STEAP3: variants seen among roughly 807,000 people sequenced by gnomAD.
STEAP3 encodes the protein STEAP3 metalloreductase.
A neutral mutation model predicts 34.9 loss-of-function variants in STEAP3; 35 were observed. The observed-to-expected ratio is 1.00, with a 90% CI of 0.76 to 1.33. The LOEUF is 1.33. Among genes scored for constraint, STEAP3 ranks in the 40% most tolerant of loss-of-function variants. The pLI is 0.00. For missense variants in STEAP3, 652 were observed against 667.6 expected, an observed-to-expected ratio of 0.98 and a Z score of 0.26; for synonymous variants, 281 against 301.6, an observed-to-expected ratio of 0.93 and a Z score of 0.71.
At chr2:119,243,510 A>G (rs577064339) in intron 2 of STEAP3, among the ~76,000 whole-genome samples, 155 of 152,226 alleles carry the variant, frequency 1.0e-3, no homozygotes, top group Non-Finnish European at 1.6e-3. Flanking sequence ...CTCCTCTGTA[A>G]AGTGGGAATG....
In STEAP3 at chr2:119,247,877, T is replaced by G; in HGVS notation, c.721T>G (p.Phe241Val). The G allele has an allele frequency of 6.2e-7, 1 of 1,613,824 alleles. No individual in the cohort carries two copies. The highest frequency in any genetic ancestry group is 1.1e-5 in the South Asian group (1 of 91,088). The stretch of plus-strand genomic sequence containing the variant: ...CTTCGTCTGCTTCTATGCCTACAAC[T>G]TCGTCCGGGACGTTCTGCAGCCCTA... Reference protein sequence around the residue: ...GLFVCFYAYNFVRDVLQPYVQ... With the variant: ...GLFVCFYAYNVVRDVLQPYVQ... Residue 241 changes from phenylalanine to valine, a missense_variant, in exon 4 of 6, where the codon TTC becomes GTC. Coordinates refer to ENST00000393110, the MANE Select transcript of STEAP3 (RefSeq NM_182915.3).
intron 1 of STEAP3, 114 bp downstream of exon 1, chr2:119,224,002 G>A (rs1040210612): frequency 6.6e-6 from 1 of 152,252 alleles, no homozygotes; most frequent in Non-Finnish European, 1.5e-5. Flanking sequence ...GCCGCCACAC[G>A]TCTGGAGGCG....
chr2:119,252,679 T>G (rs1331306150), intron 4 of STEAP3, among the ~76,000 whole-genome samples: 1 of 152,178 alleles, frequency 6.6e-6, no homozygotes, highest in African/African-American at 2.4e-5. Context: ...TGTGTGCCAC[T>G]GGTCACCAGG....
intron 2 of STEAP3, chr2:119,244,377 C>T (rs1224052336): frequency 6.6e-6 from 1 of 151,818 alleles, no homozygotes; most frequent in Non-Finnish European, 1.5e-5. Context: ...GCTGGGACGA[C>T]AGGCGTGTGC....
Position 119,226,310 on chromosome 2 carries a change from C to T in STEAP3, c.-394+2422C>T, listed in dbSNP as rs138166924. Among the ~76,000 whole-genome samples, 101 of 152,322 alleles carry T rather than the reference C, an allele frequency of 6.6e-4. 1 individual carries two copies. The highest frequency in any genetic ancestry group is 2.3e-3 in the African/African-American group (95 of 41,582). On this transcript the variant is annotated intron_variant, in intron 1 of 5. Transcript: ENST00000393110. ...GGATCCACTCTTTCCTGTCCACCCA[C>T]GGTGCGTAGTGGCCAGGTCTTCCTG...
intron 2 of STEAP3, among the ~76,000 whole-genome samples, chr2:119,231,368 T>C (rs1380606289): frequency 6.6e-6 from 1 of 151,464 alleles, no homozygotes; most frequent in Non-Finnish European, 1.5e-5. Flanking sequence ...TGTGTGTGTG[T>C]GTGTGTGTGT....
chr2:119,247,976 T>C lies in STEAP3; in HGVS notation c.820T>C (p.Tyr274His), dbSNP rs928790862. ...CAACACCACACTGCCGTGCGTGGCC[T>C]ACGTGCTGCTGTCACTCGTGTACTT... ...VVNTTLPCVAYVLLSLVYLPG... is the reference protein window; with the variant it reads ...VVNTTLPCVAHVLLSLVYLPG... Residue 274 changes from tyrosine to histidine, a missense_variant, in exon 4 of 6, where the codon TAC becomes CAC. By Grantham distance (83) the Tyr-to-His change is moderately conservative. Transcript: ENST00000393110. 1 of 1,612,868 alleles carries C rather than the reference T, an allele frequency of 6.2e-7. No individual in the cohort carries two copies. Among genetic ancestry groups the C allele is most frequent in the African/African-American group, 1.3e-5 (1 of 74,944 alleles).
chr2:119,245,618 G>A lies in STEAP3; in HGVS notation c.152G>A (p.Arg51His), dbSNP rs200164081. Residue 51 changes from arginine (R) to histidine (H), a missense_variant, in exon 3 of 6, where the codon CGC becomes CAC. Transcript: ENST00000393110. ...ATCCTGGGTAGCGGGGACTTTGCCC[G>A]CTCCCTGGCCACACGCCTGGTGGGC... ...VGILGSGDFA[R>H]SLATRLVGSG... 109 of 1,609,448 alleles carry A rather than the reference G, an allele frequency of 6.8e-5. No homozygotes were observed. The highest frequency in any genetic ancestry group is 3.5e-4 in the South Asian group (32 of 91,020).
At chr2:119,256,216 G>A (rs565720597) in intron 5 of STEAP3, among the ~76,000 whole-genome samples, 64 of 152,322 alleles carry the variant, frequency 4.2e-4, no homozygotes, top group African/African-American at 1.5e-3. Context: ...CACATCCATT[G>A]GAACAACACA....
intron 4 of STEAP3, 161 bp downstream of exon 4, chr2:119,248,367 C>A: frequency 1.3e-6 from 1 of 795,864 alleles, no homozygotes; most frequent in Non-Finnish European, 1.9e-6. Context: ...ATCCTCCTGC[C>A]CAAGATTTTG....
At chr2:119,238,425 T>C (rs972216885) in intron 2 of STEAP3, among the ~76,000 whole-genome samples, 14 of 152,228 alleles carry the variant, frequency 9.2e-5, no homozygotes, top group Non-Finnish European at 2.1e-4. Context: ...TGTGCATTTG[T>C]ATATCTTTTT....
At chr2:119,243,188 C>A (rs1009044559) in intron 2 of STEAP3, among the ~76,000 whole-genome samples, 4 of 152,308 alleles carry the variant, frequency 2.6e-5, no homozygotes, top group Non-Finnish European at 2.9e-5. Context: ...GTTTCAAAAC[C>A]ATGTTAAAGA....
intron 1 of STEAP3, among the ~76,000 whole-genome samples, chr2:119,227,535 G>A (rs2104785201): frequency 6.6e-6 from 1 of 152,334 alleles, no homozygotes; most frequent in Middle Eastern, 3.4e-3. Flanking sequence ...TCCGCAATCA[G>A]GCTGTGACTT....
chr2:119,236,418 C>T (rs2104801466), intron 2 of STEAP3, among the ~76,000 whole-genome samples: 1 of 152,290 alleles, frequency 6.6e-6, no homozygotes, highest in Non-Finnish European at 1.5e-5. Flanking sequence ...CATCCCTCTG[C>T]TGGGCCCTTG....
chr2:119,248,228 T>TCC, intron 4 of STEAP3, 22 bp downstream of exon 4: 1 of 1,546,356 alleles, frequency 6.5e-7, no homozygotes, highest in Non-Finnish European at 8.7e-7. Flanking sequence ...ATGCCCTTCC[T>TCC]CCCTCTGGCA....
chr2:119,243,669 T>G (rs991917985), intron 2 of STEAP3, among the ~76,000 whole-genome samples: 2 of 152,168 alleles, frequency 1.3e-5, no homozygotes, highest in African/African-American at 2.4e-5. Context: ...AAATCACAGT[T>G]TCAAAAACCT....
chr2:119,226,313 T>G (rs1679038863), intron 1 of STEAP3, among the ~76,000 whole-genome samples: 1 of 152,160 alleles, frequency 6.6e-6, no homozygotes, highest in Non-Finnish European at 1.5e-5. Flanking sequence ...CCACCCACGG[T>G]GCGTAGTGGC....
At chr2:119,235,515 T>G (rs1476290896) in intron 2 of STEAP3, among the ~76,000 whole-genome samples, 1 of 152,198 alleles carries the variant, frequency 6.6e-6, no homozygotes, top group Non-Finnish European at 1.5e-5. Context: ...TGCAGTGGTT[T>G]TCAAAGTGTG....
At chr2:119,229,194 G>C (rs982575183) in intron 1 of STEAP3, among the ~76,000 whole-genome samples, 2 of 152,196 alleles carry the variant, frequency 1.3e-5, no homozygotes, top group African/African-American at 4.8e-5. Context: ...CTAGGCTGGA[G>C]TACAGTGGTG....
Sources: allele counts gnomAD v4.1 joint callset (sites outside exome capture counted in the v4.1 genomes callset), GRCh38; gene constraint gnomAD v4.1.1; transcripts MANE v1.5; gene names NCBI Gene and HGNC (gene_info 2026-07-23, HGNC 2026-07-21).